Variants in ZNF223 observed in about 807,000 individuals in gnomAD.
ZNF223 encodes the protein zinc finger protein 223.
A neutral mutation model predicts 12.3 loss-of-function variants in ZNF223; 9 were observed. The observed-to-expected ratio is 0.73, with a 90% confidence interval of 0.44 to 1.28. The LOEUF (loss-of-function observed/expected upper bound fraction) is 1.28. Among genes scored for constraint, ZNF223 ranks in the 50% most tolerant of loss-of-function variants. ZNF223 has a pLI of 0.00. For missense variants in ZNF223, 506 were observed against 579.0 expected (o/e 0.87, Z 1.29); for synonymous variants, 171 against 195.2 (o/e 0.88, Z 1.03).
chr19:44,052,110 C>T lies in ZNF223; in HGVS notation c.-154C>T, dbSNP rs1976708135. ...GTCTTGCAGGACATTTTGAACGAAC[C>T]CCCTTTGCTTGAGGCTCGCAACCAC... On this transcript the variant is annotated 5_prime_UTR_variant, in exon 1 of 5. Transcript: ENST00000434772. 3 of 153,500 alleles carry T rather than the reference C, an allele frequency of 2.0e-5. 1 individual carries two copies. The South Asian group carries it at 5.5e-4, about 28-fold the overall frequency. 9.5% of individuals were successfully genotyped at this position (153,500 alleles called of 1,614,324 possible).
In ZNF223 at chr19:44,060,449, C is replaced by T; in HGVS notation, c.16-6C>T. The T allele has an allele frequency of 1.2e-6, 2 of 1,613,836 alleles. No homozygotes were observed. The highest frequency in any genetic ancestry group is 1.1e-5 in the South Asian group (1 of 91,054). On this transcript the variant is annotated splice_polypyrimidine_tract_variant and splice_region_variant and intron_variant, in intron 2 of 4. Transcript: ENST00000434772. Reference sequence around the variant, plus strand: ...AGATTGAGGTTGCATATGTTTGATGCTGTAGGAGGCAGTGACCTTCAAGGA... The same window carrying T: ...AGATTGAGGTTGCATATGTTTGATGTTGTAGGAGGCAGTGACCTTCAAGGA...
In ZNF223 at chr19:44,055,682, T is replaced by G. The variant is rs932267368; in HGVS notation, c.15+491T>G. ...TACTCGGTAGGCTGAAGCACGAGAATCACTTCAAACCGGGAGGCGGAGGTT... is the reference window on the plus strand; with the variant it reads ...TACTCGGTAGGCTGAAGCACGAGAAGCACTTCAAACCGGGAGGCGGAGGTT... On this transcript the variant is annotated intron_variant, in intron 2 of 4. Transcript: ENST00000434772. 3.3e-5 allele frequency among the ~76,000 whole-genome samples: 5 copies of G among 152,082 alleles called. No individual in the cohort carries two copies. The South Asian group carries it at 8.3e-4, about 25-fold the overall frequency.
At chr19:44,062,021 T>A (rs1402044672) in intron 4 of ZNF223, among the ~76,000 whole-genome samples, 1 of 152,250 alleles carries the variant, frequency 6.6e-6, no homozygotes, top group Non-Finnish European at 1.5e-5. Context: ...TTTATCTGTT[T>A]GTTTATGACT....
Position 44,066,493 on chromosome 19 carries a change from A to G in ZNF223, c.665A>G (p.His222Arg), listed in dbSNP as rs1976915672. ...EFSQSLHLQT[H>R]QRVHTGEKPF... is the part of the protein sequence containing the mutation. Reference sequence around the variant, plus strand: ...AGTCAGAGTTTACATCTGCAAACTCATCAGAGAGTCCATACTGGAGAGAAA... The same window carrying G: ...AGTCAGAGTTTACATCTGCAAACTCGTCAGAGAGTCCATACTGGAGAGAAA... The change falls in exon 5 of 5, where the codon CAT becomes CGT. Residue 222 changes from histidine (H) to arginine (R), a missense_variant. Transcript: ENST00000434772. 6.2e-7 allele frequency: 1 copy of G among 1,614,146 alleles called. No homozygotes were observed. The highest frequency in any genetic ancestry group is 1.1e-5 in the South Asian group (1 of 91,096).
intron 4 of ZNF223, among the ~76,000 whole-genome samples, chr19:44,062,939 A>G (rs1238840760): frequency 6.6e-6 from 1 of 152,196 alleles, no homozygotes; most frequent in Non-Finnish European, 1.5e-5. Flanking sequence ...TCTTTCTTCA[A>G]AAATGTGCGT....
intron 2 of ZNF223, among the ~76,000 whole-genome samples, chr19:44,060,159 G>A (rs959412929): frequency 2.0e-5 from 3 of 152,134 alleles, no homozygotes; most frequent in Non-Finnish European, 2.9e-5. Context: ...ACCTATATAC[G>A]TGTAGCCCAG....
intron 4 of ZNF223, among the ~76,000 whole-genome samples, chr19:44,065,235 G>C (rs1976890243): frequency 6.6e-6 from 1 of 152,162 alleles, no homozygotes; most frequent in Non-Finnish European, 1.5e-5. Flanking sequence ...ACAAAGTCCT[G>C]ACCTCTTTTT....
At chr19:44,059,655 C>T (rs745453809) in intron 2 of ZNF223, among the ~76,000 whole-genome samples, 1 of 152,138 alleles carries the variant, frequency 6.6e-6, no homozygotes, top group African/African-American at 2.4e-5. Context: ...GGTGGTGCAG[C>T]GACCCAGTCT....
At chr19:44,064,229 G>A (rs1976876620) in intron 4 of ZNF223, among the ~76,000 whole-genome samples, 1 of 152,072 alleles carries the variant, frequency 6.6e-6, no homozygotes, top group South Asian at 2.1e-4. Context: ...CTTTATTTCA[G>A]CTCACTGATG....
intron 2 of ZNF223, among the ~76,000 whole-genome samples, chr19:44,059,967 G>A (rs1009486646): frequency 1.3e-5 from 2 of 152,168 alleles, no homozygotes; most frequent in Admixed American, 6.5e-5. Context: ...GTCAGTTACC[G>A]CGGTGATCTG....
rs139017447 is a variant in ZNF223, at chr19:44,066,878, G to A, written c.1050G>A (p.Gly350=). The A allele has an allele frequency of 5.8e-5, 94 of 1,614,036 alleles. No homozygotes were observed. Among genetic ancestry groups the A allele is most frequent in the Admixed American group, 1.2e-4 (7 of 60,008 alleles). Residue 350 remains glycine, a synonymous_variant, in exon 5 of 5, where the codon GGG becomes GGA. Transcript: ENST00000434772. ...GEKPYNCKEC[G]KSFRRSSYLL... ...AACCATATAATTGTAAAGAATGTGGGAAGAGCTTCAGACGGTCCTCCTATC... is the reference window on the plus strand; with the variant it reads ...AACCATATAATTGTAAAGAATGTGGAAAGAGCTTCAGACGGTCCTCCTATC...
chr19:44,058,661 G>A (rs1272787293), intron 2 of ZNF223, among the ~76,000 whole-genome samples: 2 of 152,314 alleles, frequency 1.3e-5, no homozygotes, highest in Non-Finnish European at 2.9e-5. Context: ...CTCCCAGTAG[G>A]GCTAAAAGCA....
intron 2 of ZNF223, among the ~76,000 whole-genome samples, chr19:44,060,090 C>T (rs1333685976): frequency 3.9e-5 from 6 of 152,278 alleles, no homozygotes; most frequent in South Asian, 4.1e-4. Flanking sequence ...GCTGCCAGGT[C>T]GGGCAGATAC....
intron 2 of ZNF223, among the ~76,000 whole-genome samples, chr19:44,059,598 C>T: frequency 6.6e-6 from 1 of 152,276 alleles, no homozygotes; most frequent in South Asian, 2.1e-4. Context: ...CTGCCATATC[C>T]TTGGGGGAAC....
rs1222613694 is a variant in ZNF223 at position 44,056,312 on chromosome 19, T to C, written c.15+1121T>C. On this transcript the variant is annotated intron_variant, in intron 2 of 4. Coordinates refer to ENST00000434772, the MANE Select transcript of ZNF223 (RefSeq NM_013361.6). ...GCAGGTGGATCACTAGGTCAGGAGATAGAGACCATCCTGGCTAATATGGTG... is the reference window on the plus strand; with the variant it reads ...GCAGGTGGATCACTAGGTCAGGAGACAGAGACCATCCTGGCTAATATGGTG... Among the ~76,000 whole-genome samples the C allele has an allele frequency of 6.9e-5, 9 of 129,714 alleles. No individual in the cohort carries two copies. In the East Asian group the frequency reaches 1.8e-3, roughly 26 times the overall value. The allele number at this position is 129,714 out of a possible 152,430, so 85.1% of individuals were successfully genotyped here.
At chr19:44,051,851 T>A (rs1451191629), upstream of ZNF223, 2 of 152,274 alleles carry the variant, frequency 1.3e-5, no homozygotes, top group African/African-American at 4.8e-5. Flanking sequence ...TTACGGGAAG[T>A]GTAGTCCACT....
At chr19:44,063,150 C>T (rs2147477331) in intron 4 of ZNF223, 1 of 152,288 alleles carries the variant, frequency 6.6e-6, no homozygotes, top group South Asian at 2.1e-4. Context: ...TTATAAGTCA[C>T]AGTGTATTAA....
At chr19:44,065,014 T>A in intron 4 of ZNF223, among the ~76,000 whole-genome samples, 1 of 152,226 alleles carries the variant, frequency 6.6e-6, no homozygotes, top group East Asian at 1.9e-4. Flanking sequence ...CCCTGTGACC[T>A]AAAGACCTAC....
intron 1 of ZNF223, among the ~76,000 whole-genome samples, chr19:44,053,885 TA>T (rs1458079857): frequency 6.6e-6 from 1 of 152,194 alleles, no homozygotes; most frequent in African/African-American, 2.4e-5. Context: ...AACACATTTT[TA>T]CCAAAGCACA....
Sources: allele counts gnomAD v4.1 joint callset (sites outside exome capture counted in the v4.1 genomes callset), GRCh38; gene constraint gnomAD v4.1.1; transcripts MANE v1.5; gene names NCBI Gene and HGNC (gene_info 2026-07-23, HGNC 2026-07-21).